Variants in PCDHGA10 observed in about 807,000 individuals in gnomAD.
PCDHGA10 encodes protocadherin gamma subfamily A, 10, also known as protocadherin gamma-A10.
A neutral mutation model predicts 59.5 loss-of-function variants in PCDHGA10; 42 were observed. The observed-to-expected ratio is 0.71, with a 90% confidence interval of 0.55 to 0.91. The LOEUF (loss-of-function observed/expected upper bound fraction) is 0.91, where lower values mean the gene tolerates loss of function less well. Among genes scored for constraint, PCDHGA10 ranks in the 40% least tolerant of loss-of-function variants. The pLI, the probability that PCDHGA10 is intolerant of heterozygous loss-of-function variation, is 0.00. For synonymous variants in PCDHGA10, 511 were observed against 517.2 expected, an observed-to-expected ratio of 0.99 and a Z score of 0.16; for missense variants, 1,111 against 1,198.2, an observed-to-expected ratio of 0.93 and a Z score of 1.07.
chr5:141,422,838 C>T (rs201218542), intron 1 of PCDHGA10: 182 of 1,614,252 alleles, frequency 1.1e-4, no homozygotes, highest in Middle Eastern at 1.6e-4. Context: ...TAGCACGTGA[C>T]AGCGGGGACC....
rs537196945 is a variant in PCDHGA10 at position 141,470,749 on chromosome 5, G to A, written c.2437-24058G>A. 3.9e-5 allele frequency among the ~76,000 whole-genome samples: 6 copies of A among 152,260 alleles called. No individual in the cohort carries two copies. The East Asian group carries it at 7.7e-4, about 20-fold the overall frequency. On this transcript the variant is annotated intron_variant, in intron 1 of 3. Coordinates refer to ENST00000398610, the MANE Select transcript of PCDHGA10 (RefSeq NM_018913.3). ...GTCTTGCTCTGTCGCCCTGGCTGGAGTGCAGTGGACTCACTACAGTCTTGA... is the reference window on the plus strand; with the variant it reads ...GTCTTGCTCTGTCGCCCTGGCTGGAATGCAGTGGACTCACTACAGTCTTGA...
Position 141,510,968 on chromosome 5 carries a change from C to A in PCDHGA10, c.2606C>A (p.Thr869Asn). 1 of 1,614,150 alleles carries A rather than the reference C, an allele frequency of 6.2e-7. No individual in the cohort carries two copies. The highest frequency in any genetic ancestry group is 8.5e-7 in the Non-Finnish European group (1 of 1,180,014). The change falls in exon 4 of 4, where the codon ACC becomes AAC. Residue 869 changes from threonine (T) to asparagine (N), a missense_variant. Transcript: ENST00000398610. ...SASEAADGSS[T>N]LGGGAGTMGL... ...GCAGAAGCTGCTGATGGGAGCTCCA[C>A]CCTGGGAGGGGGTGCCGGCACCATG...
intron 2 of PCDHGA10, among the ~76,000 whole-genome samples, chr5:141,496,230 C>T (rs1336418553): frequency 2.6e-5 from 4 of 152,160 alleles, no homozygotes; most frequent in Admixed American, 2.0e-4. Flanking sequence ...AGACAGGAAC[C>T]CCCTGCGGGC....
Position 141,422,444 on chromosome 5 carries a change from T to TA in PCDHGA10, c.2436+6835dup, listed in dbSNP as rs1171104340. 1.9e-6 allele frequency: 3 copies of TA among 1,610,490 alleles called. No homozygotes were observed. The Admixed American group carries it at 5.1e-5, about 27-fold the overall frequency. ...ACTTATGGAAATTATTACAAATTGA[T>TA]AACAAGCAGAGTGCTGGACAGGGAG... On this transcript the variant is annotated intron_variant, in intron 1 of 3. Coordinates refer to ENST00000398610, the MANE Select transcript of PCDHGA10 (RefSeq NM_018913.3).
chr5:141,476,565 C>T lies in PCDHGA10; in HGVS notation c.2437-18242C>T. 6.2e-7 allele frequency: 1 copy of T among 1,614,184 alleles called. No individual in the cohort carries two copies. Among genetic ancestry groups the T allele is most frequent in the Non-Finnish European group, 8.5e-7 (1 of 1,180,034 alleles). On this transcript the variant is annotated intron_variant, in intron 1 of 3. Coordinates refer to ENST00000398610, the MANE Select transcript of PCDHGA10 (RefSeq NM_018913.3). This position sits in a 1 kb window ranked among gnomAD's most constrained non-coding sequence, Gnocchi z 7.6. ...TTGGAGATTAGCGAGGCCGTGGCTC[C>T]GGGGACGCGCTTTCCGCTCGAGAGC...
At chr5:141,478,493 G>A in intron 1 of PCDHGA10, 1 of 1,613,176 alleles carries the variant, frequency 6.2e-7, no homozygotes, top group Non-Finnish European at 8.5e-7. Flanking sequence ...GCGGAGCTGT[G>A]ATCCGGTGTT....
At chr5:141,460,961 A>ATG (rs35821115) in intron 1 of PCDHGA10, among the ~76,000 whole-genome samples, 128 of 144,610 alleles carry the variant, frequency 8.9e-4, no homozygotes, top group Middle Eastern at 7.1e-3. Context: ...GTATATATAT[A>ATG]TGTGTGTGTG....
intron 2 of PCDHGA10, among the ~76,000 whole-genome samples, chr5:141,495,587 C>T (rs1391263118): frequency 6.6e-6 from 1 of 152,238 alleles, no homozygotes. Context: ...TTCTCCATCT[C>T]TGTCTTAGCT....
chr5:141,468,677 T>A (rs545029270), intron 1 of PCDHGA10: 1 of 150,902 alleles, frequency 6.6e-6, no homozygotes, highest in African/African-American at 2.4e-5. Flanking sequence ...CCATCCTGGC[T>A]AACACGGTGA....
At chr5:141,504,483 AGGCACC>A (rs2099838618) in intron 2 of PCDHGA10, among the ~76,000 whole-genome samples, 1 of 151,954 alleles carries the variant, frequency 6.6e-6, no homozygotes, top group Non-Finnish European at 1.5e-5. Flanking sequence ...AGTACAGTGG[AGGCACC>A]TGCCCAGTCT....
chr5:141,428,646 C>T (rs542682298), intron 1 of PCDHGA10: 7 of 170,630 alleles, frequency 4.1e-5, no homozygotes, highest in South Asian at 3.0e-4. Flanking sequence ...CTCCTACTCA[C>T]GTGAGTTCCA....
rs767108870 is a variant in PCDHGA10 at position 141,485,169 on chromosome 5, C to T, written c.2437-9638C>T. On this transcript the variant is annotated intron_variant, in intron 1 of 3. Transcript: ENST00000398610. This position sits in a 1 kb window ranked among gnomAD's most constrained non-coding sequence, Gnocchi z 5.7. ...GAGCAAGTAGAGAATTAGCGGGCGG[C>T]AGCAATGCTCCGCAAGGTGAGAAGC... The T allele has an allele frequency of 6.2e-7, 1 of 1,608,524 alleles. No homozygotes were observed. Among genetic ancestry groups the T allele is most frequent in the South Asian group, 1.1e-5 (1 of 90,730 alleles).
At position 141,423,482 on chromosome 5, in the gene PCDHGA10, A is replaced by T. The variant is rs553914622; in HGVS notation, c.2436+7871A>T. On this transcript the variant is annotated intron_variant, in intron 1 of 3. Transcript: ENST00000398610. ...GTGGACGGGGTACAGGCTTTCCTGC[A>T]AACCTATTCCCACGAGGTCTCTCTC... is the stretch of plus-strand genomic sequence containing the variant. 1.1e-5 allele frequency: 17 copies of T among 1,613,968 alleles called. No homozygotes were observed. The African/African-American group carries it at 2.3e-4, about 22-fold the overall frequency.
Position 141,432,326 on chromosome 5 carries a change from G to C in PCDHGA10, c.2436+16715G>C. The C allele has an allele frequency of 1.2e-6, 2 of 1,614,228 alleles. No individual in the cohort carries two copies. The highest frequency in any genetic ancestry group is 2.2e-5 in the East Asian group (1 of 44,890). On this transcript the variant is annotated intron_variant, in intron 1 of 3. Transcript: ENST00000398610. This position sits in a 1 kb window ranked among gnomAD's most constrained non-coding sequence, Gnocchi z 6.0. ...GTATGCGCTGAGCTCCTTCGACTAC[G>C]AGCAGTTCCGAGACTTGCAAGTGAA...
chr5:141,427,023 G>A, intron 1 of PCDHGA10: 1 of 456,968 alleles, frequency 2.2e-6, no homozygotes, highest in Non-Finnish European at 4.4e-6. Flanking sequence ...TGTATACAAA[G>A]TCAGCCTTAG....
chr5:141,487,591 C>T lies in PCDHGA10; in HGVS notation c.2437-7216C>T. 8 of 1,614,176 alleles carry T rather than the reference C, an allele frequency of 5.0e-6. No homozygotes were observed. The highest frequency in any genetic ancestry group is 6.8e-6 in the Non-Finnish European group (8 of 1,180,036). On this transcript the variant is annotated intron_variant, in intron 1 of 3. Coordinates refer to ENST00000398610, the MANE Select transcript of PCDHGA10 (RefSeq NM_018913.3). The surrounding 1 kb of genome is among the most constrained non-coding windows in gnomAD (Gnocchi z 5.0). ...AGCCTGTTCGCCCAAGCTGCCCACC[C>T]TCTGATCTTCTCTATGGGCTAGAGG...
At chr5:141,452,370 G>A (rs2098739834) in intron 1 of PCDHGA10, among the ~76,000 whole-genome samples, 1 of 152,136 alleles carries the variant, frequency 6.6e-6, no homozygotes, top group Non-Finnish European at 1.5e-5. Flanking sequence ...CTTCATTTTA[G>A]TAGGGAATAG....
chr5:141,446,266 A>C (rs1268290014), intron 1 of PCDHGA10, among the ~76,000 whole-genome samples: 1 of 152,174 alleles, frequency 6.6e-6, no homozygotes, highest in African/African-American at 2.4e-5. Context: ...TTATTAACTG[A>C]ATAAATACAA....
At position 141,477,763 on chromosome 5, in the gene PCDHGA10, C is replaced by A. The variant is rs763322593; in HGVS notation, c.2437-17044C>A. On this transcript the variant is annotated intron_variant, in intron 1 of 3. Coordinates refer to ENST00000398610, the MANE Select transcript of PCDHGA10 (RefSeq NM_018913.3). The surrounding 1 kb of genome is among the most constrained non-coding windows in gnomAD (Gnocchi z 4.9). ...ATGGGGGCACCCCGGTCCTAGCCAC[C>A]AACATCAGCGTGAACATATTTGTCA... 5.0e-6 allele frequency: 8 copies of A among 1,613,894 alleles called. No homozygotes were observed. The East Asian group carries it at 1.6e-4, about 31-fold the overall frequency.
Sources: allele counts gnomAD v4.1 joint callset (sites outside exome capture counted in the v4.1 genomes callset), GRCh38; gene constraint gnomAD v4.1.1; non-coding constraint Gnocchi (gnomAD v3.1); transcripts MANE v1.5; gene names NCBI Gene and HGNC (gene_info 2026-07-23, HGNC 2026-07-21).